Variants in CFAP57 observed in about 807,000 individuals in gnomAD.
The protein encoded by CFAP57 is cilia and flagella associated protein 57, also known as cilia- and flagella-associated protein 57.
In CFAP57, 116 loss-of-function variants were observed where a neutral mutation model predicts 146.8. The ratio of observed to expected loss-of-function variants is 0.79; its 90% CI spans 0.68 to 0.92. CFAP57 has a LOEUF of 0.92. Among genes scored for constraint, CFAP57 ranks in the 40% least tolerant of loss-of-function variants. The pLI is 0.00. For synonymous variants in CFAP57, 518 were observed against 552.8 expected (o/e 0.94, Z 0.88); for missense variants, 1,377 against 1,527.2 (o/e 0.90, Z 1.64).
chr1:43,198,692 C>T (rs557398448), intron 8 of CFAP57, 46 bp downstream of exon 8: 1 of 1,603,632 alleles, frequency 6.2e-7, no homozygotes, highest in South Asian at 1.1e-5. Context: ...TCTTAGAAAG[C>T]CACGGCTGAA....
At chr1:43,213,342 C>T (rs1644700826) in intron 11 of CFAP57, among the ~76,000 whole-genome samples, 1 of 152,192 alleles carries the variant, frequency 6.6e-6, no homozygotes. Flanking sequence ...ACTTCACGAC[C>T]TCCAGTTCCA....
At chr1:43,229,459 G>A (rs1308082058) in intron 18 of CFAP57, among the ~76,000 whole-genome samples, 2 of 148,560 alleles carry the variant, frequency 1.3e-5, no homozygotes, top group African/African-American at 5.0e-5. Context: ...GCTTCCCTCT[G>A]GGGGTCATAG....
Position 43,197,679 on chromosome 1 carries a change from A to T in CFAP57, c.1249A>T (p.Asn417Tyr). 6.2e-7 allele frequency: 1 copy of T among 1,614,126 alleles called. No homozygotes were observed. The highest frequency in any genetic ancestry group is 8.5e-7 in the Non-Finnish European group (1 of 1,180,018). Residue 417 changes from asparagine (N) to tyrosine (Y), a missense_variant, in exon 7 of 23, where the codon AAT (asparagine) becomes TAT (tyrosine). Transcript: ENST00000372492. ...TCTGGATCGATCCATCCGCCTTTGGAATTATGAAACAAAGTAAGGAATGAA... is the reference window on the plus strand; with the variant it reads ...TCTGGATCGATCCATCCGCCTTTGGTATTATGAAACAAAGTAAGGAATGAA... The part of the protein sequence containing the change: ...CSLDRSIRLW[N>Y]YETNTLELFK...
chr1:43,181,894 G>T (rs1645426040), intron 3 of CFAP57, 44 bp downstream of exon 3: 2 of 1,598,740 alleles, frequency 1.3e-6, no homozygotes, highest in Non-Finnish European at 8.6e-7. Flanking sequence ...ATAAAAAATA[G>T]AACTACTTTT....
intron 6 of CFAP57, among the ~76,000 whole-genome samples, chr1:43,193,794 T>A (rs947027747): frequency 1.3e-5 from 2 of 152,030 alleles, no homozygotes; most frequent in Admixed American, 1.3e-4. Flanking sequence ...ATAGTCTTTT[T>A]ATGTTAACCT....
chr1:43,175,220 G>A (rs1288698310), intron 2 of CFAP57, among the ~76,000 whole-genome samples: 1 of 151,754 alleles, frequency 6.6e-6, no homozygotes, highest in Non-Finnish European at 1.5e-5. Context: ...TCTATGGTGT[G>A]TGTGTGTATG....
At chr1:43,243,064 G>A (rs1288282443) in intron 21 of CFAP57, among the ~76,000 whole-genome samples, 163 bp from the exon 22 acceptor site, 1 of 152,124 alleles carries the variant, frequency 6.6e-6, no homozygotes, top group Non-Finnish European at 1.5e-5. Context: ...AAGAGGCTGA[G>A]CAATAGGCTG....
chr1:43,183,836 C>T lies in CFAP57; in HGVS notation c.720C>T (p.Thr240=). 1 of 1,614,114 alleles carries T rather than the reference C, an allele frequency of 6.2e-7. No individual in the cohort carries two copies. The highest frequency in any genetic ancestry group is 1.1e-5 in the South Asian group (1 of 91,080). The change falls in exon 4 of 23, where the codon ACC becomes ACT. Residue 240 remains threonine, a synonymous_variant. Coordinates refer to ENST00000372492, the MANE Select transcript of CFAP57 (RefSeq NM_001378189.1). Reference sequence around the variant, plus strand: ...CCAGCATAATGGTCAAGGAACCTACCAATGGCTCAAAGAGCCTGGATGTCA... The same window carrying T: ...CCAGCATAATGGTCAAGGAACCTACTAATGGCTCAAAGAGCCTGGATGTCA... ...WETSIMVKEP[T]NGSKSLDVIQ...
chr1:43,217,831 G>A (rs553738030), intron 12 of CFAP57, among the ~76,000 whole-genome samples: 5 of 148,082 alleles, frequency 3.4e-5, no homozygotes, highest in African/African-American at 8.0e-5. Context: ...GATCGGGTTC[G>A]ATGAGGACCT....
chr1:43,181,718 T>G lies in CFAP57; in HGVS notation c.342T>G (p.Ala114=). Reference sequence around the variant, plus strand: ...AAGTTCAGAAATTTATTAGCATGGCTTTTTCTCCAGACTCCAAATACCTAT... The same window carrying G: ...AAGTTCAGAAATTTATTAGCATGGCGTTTTCTCCAGACTCCAAATACCTAT... ...DFQVQKFISM[A]FSPDSKYLLA... is the part of the protein sequence containing the mutation. Residue 114 remains alanine (A), a synonymous_variant, in exon 3 of 23, where the codon GCT becomes GCG. Transcript: ENST00000372492. 1 of 1,614,154 alleles carries G rather than the reference T, an allele frequency of 6.2e-7. No homozygotes were observed. Among genetic ancestry groups the G allele is most frequent in the Non-Finnish European group, 8.5e-7 (1 of 1,180,032 alleles).
intron 21 of CFAP57, among the ~76,000 whole-genome samples, chr1:43,235,392 G>A (rs1195348689): frequency 6.6e-6 from 1 of 152,126 alleles, no homozygotes; most frequent in African/African-American, 2.4e-5. Flanking sequence ...GTATCAAAAG[G>A]GAACATCAGA....
At chr1:43,193,842 G>A (rs900144102) in intron 6 of CFAP57, among the ~76,000 whole-genome samples, 1 of 151,896 alleles carries the variant, frequency 6.6e-6, no homozygotes, top group African/African-American at 2.4e-5. Flanking sequence ...TGTTTCTTGA[G>A]TTTGAGTTAC....
intron 14 of CFAP57, among the ~76,000 whole-genome samples, chr1:43,221,758 G>A (rs892031764): frequency 6.6e-6 from 1 of 152,158 alleles, no homozygotes; most frequent in Non-Finnish European, 1.5e-5. Context: ...CAGGTGCTCT[G>A]GGGAGTCACC....
chr1:43,222,405 C>A, intron 15 of CFAP57, 110 bp downstream of exon 15: 2 of 1,036,866 alleles, frequency 1.9e-6, no homozygotes, highest in South Asian at 3.4e-5. Context: ...TACACTGGGT[C>A]AGACATGGTT....
At chr1:43,210,970 T>G (rs1056322450) in intron 11 of CFAP57, 3 of 150,912 alleles carry the variant, frequency 2.0e-5, no homozygotes, top group Non-Finnish European at 4.4e-5. Flanking sequence ...ATACCTACAC[T>G]GGACCCCCCA....
intron 2 of CFAP57, among the ~76,000 whole-genome samples, chr1:43,180,735 G>T (rs1365851809): frequency 1.3e-5 from 2 of 152,024 alleles, no homozygotes; most frequent in African/African-American, 4.8e-5. Flanking sequence ...TTTAGGAAGG[G>T]TGAGTGCAAG....
rs201013583 is a variant in CFAP57, at chr1:43,210,052, C to T, written c.1929+136C>T. On this transcript the variant is annotated intron_variant, in intron 11 of 22. Coordinates refer to ENST00000372492, the MANE Select transcript of CFAP57 (RefSeq NM_001378189.1). Reference sequence around the variant, plus strand: ...ATTCATCCATCATTCATTGAATCACCATCTATTGACTATGAATATACTCTT... The same window carrying T: ...ATTCATCCATCATTCATTGAATCACTATCTATTGACTATGAATATACTCTT... The T allele has an allele frequency of 1.9e-6, 3 of 1,614,084 alleles. No individual in the cohort carries two copies. The African/African-American group carries it at 4.0e-5, about 22-fold the overall frequency.
chr1:43,233,130 G>A (rs1278459358), intron 19 of CFAP57, among the ~76,000 whole-genome samples: 1 of 152,204 alleles, frequency 6.6e-6, no homozygotes, highest in Non-Finnish European at 1.5e-5. Context: ...TTTTCTGGAT[G>A]TGGGCCAGGA....
chr1:43,230,096 T>C (rs899974323), intron 18 of CFAP57, among the ~76,000 whole-genome samples: 3 of 152,240 alleles, frequency 2.0e-5, no homozygotes, highest in Admixed American at 2.0e-4. Context: ...AGATTATTTT[T>C]ATTCTCAGAG....
Sources: allele counts gnomAD v4.1 joint callset (sites outside exome capture counted in the v4.1 genomes callset), GRCh38; gene constraint gnomAD v4.1.1; transcripts MANE v1.5; gene names NCBI Gene and HGNC (gene_info 2026-07-23, HGNC 2026-07-21).